Variants in PHYHIPL observed in about 807,000 individuals in gnomAD.
The protein encoded by PHYHIPL is phytanoyl-CoA 2-hydroxylase interacting protein like.
Under a neutral mutation model 33.4 loss-of-function variants are expected in PHYHIPL, and 9 were observed. The observed-to-expected ratio is 0.27, with a 90% CI of 0.16 to 0.47. The LOEUF (loss-of-function observed/expected upper bound fraction) is 0.47, where lower values mean the gene tolerates loss of function less well. PHYHIPL is among the 20% of genes least tolerant of loss of function. The pLI, the probability that PHYHIPL is intolerant of heterozygous loss-of-function variation, is 0.99. For synonymous variants in PHYHIPL, 153 were observed against 154.1 expected (o/e 0.99, Z 0.05); for missense variants, 365 against 460.7 (o/e 0.79, Z 1.90).
chr10:59,213,256 T>C (rs1839517136), intron 1 of PHYHIPL, among the ~76,000 whole-genome samples: 1 of 152,144 alleles, frequency 6.6e-6, no homozygotes, highest in Non-Finnish European at 1.5e-5. Context: ...AATTATGTCA[T>C]TCAATGGTTA....
chr10:59,232,418 A>C (rs1409640400), intron 1 of PHYHIPL, among the ~76,000 whole-genome samples: 1 of 152,008 alleles, frequency 6.6e-6, no homozygotes, highest in Non-Finnish European at 1.5e-5. Flanking sequence ...ATTTGAGCAA[A>C]GGTTTTCGCT....
rs1207329114 is a variant in PHYHIPL at position 59,247,608 on chromosome 10, T to C, written c.*2017T>C. ...GGGTGAAAGTGATCATAACATTTCC[T>C]GAACCTCAAATAGTTTTGGCCACAT... On this transcript the variant is annotated 3_prime_UTR_variant, in exon 5 of 5. Transcript: ENST00000373880. 6.2e-7 allele frequency: 1 copy of C among 1,613,274 alleles called. No individual in the cohort carries two copies. Among genetic ancestry groups the C allele is most frequent in the East Asian group, 2.2e-5 (1 of 44,804 alleles).
In PHYHIPL at chr10:59,247,375, T is replaced by C. The variant is rs1386307092; in HGVS notation, c.*1784T>C. On this transcript the variant is annotated 3_prime_UTR_variant, in exon 5 of 5. Transcript: ENST00000373880. ...CTTGTATTGACTATGAGTTTTCTGC[T>C]TGGCATGGAGGACACTGAATTTTTT... is the stretch of plus-strand genomic sequence containing the variant. 2.1e-6 allele frequency: 1 copy of C among 484,076 alleles called. No individual in the cohort carries two copies. Among genetic ancestry groups the C allele is most frequent in the Admixed American group, 4.0e-5 (1 of 24,964 alleles). The allele number at this position is 484,076 out of a possible 1,614,324, so 30.0% of individuals were successfully genotyped here.
At chr10:59,205,124 G>A (rs1264435252) in intron 1 of PHYHIPL, among the ~76,000 whole-genome samples, 1 of 152,076 alleles carries the variant, frequency 6.6e-6, no homozygotes, top group Non-Finnish European at 1.5e-5. Flanking sequence ...CAAAGTGCTG[G>A]GATTACAGGC....
At chr10:59,181,188 TAG>T (rs1233814909) in intron 1 of PHYHIPL, among the ~76,000 whole-genome samples, 1 of 152,182 alleles carries the variant, frequency 6.6e-6, no homozygotes, top group African/African-American at 2.4e-5. Flanking sequence ...TAATACAAAA[TAG>T]ACAGTAATAA....
chr10:59,202,585 G>C (rs915945456), intron 1 of PHYHIPL, among the ~76,000 whole-genome samples: 1 of 152,110 alleles, frequency 6.6e-6, no homozygotes, highest in South Asian at 2.1e-4. Flanking sequence ...TACCATTTTG[G>C]TGTGCTTATA....
intron 1 of PHYHIPL, among the ~76,000 whole-genome samples, chr10:59,194,580 GA>G (rs1838861078): frequency 6.6e-6 from 1 of 152,096 alleles, no homozygotes; most frequent in African/African-American, 2.4e-5. Context: ...TCTAAACTTA[GA>G]AAACACATTA....
chr10:59,191,000 T>G, intron 1 of PHYHIPL, among the ~76,000 whole-genome samples: 1 of 152,010 alleles, frequency 6.6e-6, no homozygotes, highest in African/African-American at 2.4e-5. Flanking sequence ...TGGCAACAAC[T>G]TTTACAGGAG....
intron 1 of PHYHIPL, 149 bp from the exon 2 acceptor site, chr10:59,234,155 G>A: frequency 1.6e-6 from 1 of 620,732 alleles, no homozygotes; most frequent in Non-Finnish European, 2.6e-6. Context: ...TTCACTCTGT[G>A]AAAACAAATT....
chr10:59,246,709 C>G lies in PHYHIPL; in HGVS notation c.*1118C>G. The stretch of plus-strand genomic sequence containing the variant: ...TGTACAGAAGGATGAATAACTACAG[C>G]TCATGGGAAATGTTTTGACTTTACA... On this transcript the variant is annotated 3_prime_UTR_variant, in exon 5 of 5. Transcript: ENST00000373880. 1 of 397,250 alleles carries G rather than the reference C, an allele frequency of 2.5e-6. No individual in the cohort carries two copies. Among genetic ancestry groups the G allele is most frequent in the Non-Finnish European group, 4.4e-6 (1 of 225,172 alleles). The allele number at this position is 397,250 out of a possible 1,614,324, so 24.6% of individuals were successfully genotyped here.
At chr10:59,209,295 T>C (rs1839378168) in intron 1 of PHYHIPL, among the ~76,000 whole-genome samples, 1 of 152,118 alleles carries the variant, frequency 6.6e-6, no homozygotes, top group Admixed American at 6.5e-5. Context: ...AAGAAAAGAA[T>C]TTTCAATCCA....
At chr10:59,240,661 C>A (rs564928260) in intron 4 of PHYHIPL, among the ~76,000 whole-genome samples, 39 of 152,020 alleles carry the variant, frequency 2.6e-4, no homozygotes, top group African/African-American at 4.1e-4. Flanking sequence ...ACAAAAAAAA[C>A]CCCTCCATAT....
intron 1 of PHYHIPL, among the ~76,000 whole-genome samples, chr10:59,202,536 T>C (rs1305880798): frequency 6.6e-6 from 1 of 152,204 alleles, no homozygotes; most frequent in African/African-American, 2.4e-5. Context: ...TTTAGATATG[T>C]GTGTCTGTGC....
intron 1 of PHYHIPL, among the ~76,000 whole-genome samples, chr10:59,216,291 G>T (rs981614583): frequency 2.0e-5 from 3 of 152,026 alleles, no homozygotes; most frequent in Non-Finnish European, 2.9e-5. Flanking sequence ...CAGCACTTGT[G>T]AGAAACATTA....
Position 59,176,755 on chromosome 10 carries a change from C to T in PHYHIPL, c.-99C>T, listed in dbSNP as rs1226875827. ...ACCGCGTCCCAGGCCTCCTTCCCTCCCTCTGCCACTCCCCCTCCCTTTCCC... is the reference window on the plus strand; with the variant it reads ...ACCGCGTCCCAGGCCTCCTTCCCTCTCTCTGCCACTCCCCCTCCCTTTCCC... On this transcript the variant is annotated 5_prime_UTR_variant, in exon 1 of 5. Coordinates refer to ENST00000373880, the MANE Select transcript of PHYHIPL (RefSeq NM_032439.4). 20 of 1,115,148 alleles carry T rather than the reference C, an allele frequency of 1.8e-5. No individual in the cohort carries two copies. In the Admixed American group the frequency reaches 4.3e-4, roughly 24 times the overall value. 69.1% of individuals were successfully genotyped at this position (1,115,148 alleles called of 1,614,324 possible).
intron 1 of PHYHIPL, among the ~76,000 whole-genome samples, chr10:59,202,375 T>A (rs886931092): frequency 6.6e-6 from 1 of 152,194 alleles, no homozygotes; most frequent in African/African-American, 2.4e-5. Context: ...TAAAAAGTTA[T>A]TCCATGTCAA....
intron 1 of PHYHIPL, among the ~76,000 whole-genome samples, chr10:59,226,498 T>TGTGGTG (rs965114964): frequency 6.6e-6 from 1 of 151,782 alleles, no homozygotes; most frequent in Non-Finnish European, 1.5e-5. Flanking sequence ...TGAAAATGGT[T>TGTGGTG]GTGGTGGTGG....
intron 4 of PHYHIPL, among the ~76,000 whole-genome samples, chr10:59,244,681 T>G (rs1475147904): frequency 6.6e-6 from 1 of 151,960 alleles, no homozygotes; most frequent in Non-Finnish European, 1.5e-5. Flanking sequence ...ATTCAATATA[T>G]TTAACCAATA....
intron 1 of PHYHIPL, among the ~76,000 whole-genome samples, chr10:59,186,720 T>A (rs1220567800): frequency 6.6e-6 from 1 of 152,150 alleles, no homozygotes; most frequent in Non-Finnish European, 1.5e-5. Flanking sequence ...ATTCTCTTAG[T>A]AGCAGTTGTG....
Sources: allele counts gnomAD v4.1 joint callset (sites outside exome capture counted in the v4.1 genomes callset), GRCh38; gene constraint gnomAD v4.1.1; transcripts MANE v1.5; gene names NCBI Gene and HGNC (gene_info 2026-07-23, HGNC 2026-07-21).